SLC22A23: variants seen among roughly 807,000 people sequenced by gnomAD.
SLC22A23 encodes solute carrier family 22 member 23.
A neutral mutation model predicts 61.0 loss-of-function variants in SLC22A23; 26 were observed. The ratio of observed to expected loss-of-function variants is 0.43; its 90% CI spans 0.31 to 0.59. SLC22A23 has a LOEUF of 0.59. SLC22A23 is among the 20% of genes least tolerant of loss of function. SLC22A23 has a pLI of 0.11. For missense variants in SLC22A23, 796 were observed against 934.7 expected (o/e 0.85, Z 1.94); for synonymous variants, 430 against 413.9 (o/e 1.04, Z -0.47).
In SLC22A23 at chr6:3,300,012, T is replaced by C. The variant is rs898985441; in HGVS notation, c.1083-1794A>G. On this transcript the variant is annotated intron_variant, in intron 4 of 9. Coordinates refer to ENST00000406686, the MANE Select transcript of SLC22A23 (RefSeq NM_015482.2). Reference sequence around the variant, plus strand: ...CTCAGGATAGACTTTTTTTTTTTTTTTTTTTTTTTTTTTTTTGAGATGGAG... The same window carrying C: ...CTCAGGATAGACTTTTTTTTTTTTTCTTTTTTTTTTTTTTTTGAGATGGAG... Among the ~76,000 whole-genome samples, 93 of 133,036 alleles carry C rather than the reference T, an allele frequency of 7.0e-4. 1 individual carries two copies. Among genetic ancestry groups the C allele is most frequent in the African/African-American group, 2.6e-3 (88 of 33,884 alleles). The allele number at this position is 133,036 out of a possible 152,430, so 87.3% of individuals were successfully genotyped here.
At chr6:3,294,128 C>T (rs1760865310) in intron 5 of SLC22A23, among the ~76,000 whole-genome samples, 1 of 152,176 alleles carries the variant, frequency 6.6e-6, no homozygotes, top group Admixed American at 6.5e-5. Flanking sequence ...TGCTCAGCCT[C>T]TTTGGGCCCG....
At chr6:3,378,423 G>A (rs367827419) in intron 3 of SLC22A23, among the ~76,000 whole-genome samples, 8 of 152,234 alleles carry the variant, frequency 5.3e-5, no homozygotes, top group Non-Finnish European at 7.4e-5. Flanking sequence ...TTTACAAAGC[G>A]ACCATTGCTG....
intron 4 of SLC22A23, among the ~76,000 whole-genome samples, chr6:3,301,840 C>T (rs2127362899): frequency 2.0e-5 from 3 of 152,348 alleles, no homozygotes; most frequent in South Asian, 4.1e-4. Flanking sequence ...GCTCACTATA[C>T]ACAGTTTTGA....
At chr6:3,362,442 T>A (rs1265452077) in intron 3 of SLC22A23, among the ~76,000 whole-genome samples, 34 of 105,772 alleles carry the variant, frequency 3.2e-4, no homozygotes, top group African/African-American at 5.1e-4. Flanking sequence ...AAAATAAAAA[T>A]TAGCATGCAT....
At chr6:3,455,778 C>T (rs2127562231) in intron 1 of SLC22A23, 128 bp downstream of exon 1, 5 of 1,155,596 alleles carry the variant, frequency 4.3e-6, no homozygotes, top group Non-Finnish European at 5.9e-6. Context: ...GGAGATTAAG[C>T]CAATGCGGAA....
chr6:3,385,404 T>C (rs754528740), intron 3 of SLC22A23, among the ~76,000 whole-genome samples: 40 of 152,108 alleles, frequency 2.6e-4, no homozygotes, highest in Non-Finnish European at 4.6e-4. Flanking sequence ...TAGTTCCAAC[T>C]ACTTGGGAGT....
At position 3,447,296 on chromosome 6, in the gene SLC22A23, C is replaced by G. The variant is rs141821730; in HGVS notation, c.654+8610G>C. On this transcript the variant is annotated intron_variant, in intron 1 of 9. Transcript: ENST00000406686. Reference sequence around the variant, plus strand: ...TCTACCTCCTACTCAAACCTCAGCTCTCATCTCAGATGTCACTTTCTTACA... The same window carrying G: ...TCTACCTCCTACTCAAACCTCAGCTGTCATCTCAGATGTCACTTTCTTACA... Among the ~76,000 whole-genome samples the G allele has an allele frequency of 1.4e-3, 216 of 152,296 alleles. 7 individuals carry two copies. In the East Asian group the frequency reaches 0.035, roughly 24 times the overall value.
intron 1 of SLC22A23, among the ~76,000 whole-genome samples, chr6:3,444,363 A>C (rs1285532667): frequency 6.6e-6 from 1 of 152,202 alleles, no homozygotes; most frequent in Non-Finnish European, 1.5e-5. Flanking sequence ...TCTCAGCTGC[A>C]AGTGGGAAGG....
chr6:3,346,898 A>AT (rs1764471050), intron 3 of SLC22A23, among the ~76,000 whole-genome samples: 1 of 152,210 alleles, frequency 6.6e-6, no homozygotes, highest in Non-Finnish European at 1.5e-5. Context: ...AGTAGCATCT[A>AT]AAGGACAACA....
intron 3 of SLC22A23, among the ~76,000 whole-genome samples, chr6:3,369,985 G>A (rs970155582): frequency 2.6e-5 from 4 of 152,180 alleles, no homozygotes; most frequent in African/African-American, 9.7e-5. Flanking sequence ...AAGATTTGTT[G>A]AGCATCACCC....
chr6:3,315,947 A>C (rs944224466), intron 4 of SLC22A23, among the ~76,000 whole-genome samples: 1 of 152,228 alleles, frequency 6.6e-6, no homozygotes, highest in African/African-American at 2.4e-5. Flanking sequence ...ACTTCTTATC[A>C]TCCTTTTTCA....
At chr6:3,289,323 C>T (rs1760347950) in intron 6 of SLC22A23, among the ~76,000 whole-genome samples, 1 of 152,258 alleles carries the variant, frequency 6.6e-6, no homozygotes, top group African/African-American at 2.4e-5. Flanking sequence ...CACCTGCCTC[C>T]ACCCACGGCT....
intron 9 of SLC22A23, among the ~76,000 whole-genome samples, chr6:3,277,790 G>A (rs1561857833): frequency 6.6e-6 from 1 of 152,200 alleles, no homozygotes; most frequent in African/African-American, 2.4e-5. Flanking sequence ...TTGAGTGTGC[G>A]CTGGCCCTCA....
At chr6:3,446,755 C>G (rs978222663) in intron 1 of SLC22A23, among the ~76,000 whole-genome samples, 2 of 152,240 alleles carry the variant, frequency 1.3e-5, no homozygotes, top group Admixed American at 6.5e-5. Flanking sequence ...TCCCCTCTGC[C>G]TATGGGTGGC....
intron 1 of SLC22A23, among the ~76,000 whole-genome samples, chr6:3,442,149 C>T (rs1483276220): frequency 6.6e-6 from 1 of 152,178 alleles, no homozygotes; most frequent in Non-Finnish European, 1.5e-5. Context: ...GCCTTGAAGA[C>T]ATCACGCTGA....
chr6:3,298,489 T>C lies in SLC22A23; in HGVS notation c.1083-271A>G, dbSNP rs546114480. ...GAAGCTTAAAAAAAAAGTGATCTCA[T>C]AGAAGTAAAAAGAAGAACAGAGGAT... On this transcript the variant is annotated intron_variant, in intron 4 of 9. Transcript: ENST00000406686. Among the ~76,000 whole-genome samples the C allele has an allele frequency of 7.3e-5, 11 of 150,914 alleles. No individual in the cohort carries two copies. The South Asian group carries it at 2.1e-3, about 29-fold the overall frequency.
Position 3,273,351 on chromosome 6 carries a change from T to A in SLC22A23, c.1765A>T (p.Ile589Phe). The A allele has an allele frequency of 6.2e-7, 1 of 1,613,810 alleles. No homozygotes were observed. The highest frequency in any genetic ancestry group is 8.5e-7 in the Non-Finnish European group (1 of 1,179,968). ...TAGCCTTTCTGGTTGTGCAGCTCGATGATGGGTGCCGTCAGCATGCCGAAG... is the reference window on the plus strand; with the variant it reads ...TAGCCTTTCTGGTTGTGCAGCTCGAAGATGGGTGCCGTCAGCATGCCGAAG... ...AGFGMLTAPI[I>F]ELHNQKGYFL... The change falls in exon 10 of 10, where the codon ATC (isoleucine) becomes TTC (phenylalanine). Residue 589 changes from isoleucine to phenylalanine, a missense_variant. Ile to Phe is a conservative substitution (Grantham distance 21, BLOSUM62 0). Transcript: ENST00000406686.
At chr6:3,352,003 G>A (rs1764797774) in intron 3 of SLC22A23, among the ~76,000 whole-genome samples, 1 of 152,156 alleles carries the variant, frequency 6.6e-6, no homozygotes, top group South Asian at 2.1e-4. Context: ...CCACCCGACT[G>A]GTAAGGCTGC....
intron 4 of SLC22A23, among the ~76,000 whole-genome samples, chr6:3,314,034 A>T (rs1029494222): frequency 1.3e-5 from 2 of 152,244 alleles, no homozygotes; most frequent in Non-Finnish European, 1.5e-5. Flanking sequence ...TGTCTCAAAA[A>T]AAATTCTTAA....
Sources: gnomAD v4.1 joint callset for allele counts (sites outside exome capture counted in the v4.1 genomes callset) on GRCh38, gnomAD v4.1.1 for gene constraint, MANE v1.5 for transcripts, NCBI Gene and HGNC (gene_info 2026-07-23, HGNC 2026-07-21) for gene names.